The following SPATA7 variants were observed in gnomAD, a reference collection of about 807,000 sequenced individuals.
SPATA7 encodes spermatogenesis-associated protein 7.
Under a neutral mutation model 51.8 loss-of-function variants are expected in SPATA7, and 43 were observed. The observed-to-expected ratio is 0.83, with a 90% CI of 0.65 to 1.07. SPATA7 has a LOEUF of 1.07. Among genes scored for constraint, SPATA7 ranks in the 50% least tolerant of loss-of-function variants. The pLI is 0.00. For missense variants in SPATA7, 683 were observed against 701.3 expected, an observed-to-expected ratio of 0.97 and a Z score of 0.30; for synonymous variants, 230 against 252.8, an observed-to-expected ratio of 0.91 and a Z score of 0.86.
chr14:88,443,595 T>G (rs2077192532), intron 3 of SPATA7, among the ~76,000 whole-genome samples: 1 of 152,154 alleles, frequency 6.6e-6, no homozygotes, highest in Non-Finnish European at 1.5e-5. Context: ...ACTGGTCATC[T>G]AGCATTAGGT....
chr14:88,399,558 C>G (rs371279771), intron 4 of SPATA7, among the ~76,000 whole-genome samples: 3 of 152,126 alleles, frequency 2.0e-5, no homozygotes, highest in Admixed American at 6.5e-5. Context: ...TTCTAAGGAC[C>G]CTTCCAGATT....
chr14:88,429,195 A>T (rs1484571199), intron 7 of SPATA7, 153 bp from the exon 8 acceptor site: 2 of 498,448 alleles, frequency 4.0e-6, no homozygotes, highest in East Asian at 3.2e-5. Flanking sequence ...TGCTGGATGG[A>T]TAGAAAAATT....
chr14:88,390,032 A>G (rs558956248), intron 1 of SPATA7, among the ~76,000 whole-genome samples: 1 of 152,326 alleles, frequency 6.6e-6, no homozygotes, highest in African/African-American at 2.4e-5. Flanking sequence ...CAGATCCCAA[A>G]TCTGTCACAT....
In SPATA7 at chr14:88,469,863, A is replaced by ATTAACATTAACTG; in HGVS notation, c.274_*11dup. On this transcript the variant is annotated stop_gained and frameshift_variant, in exon 5 of 5. Coordinates refer to the SPATA7 transcript ENST00000556406. LOFTEE classifies it high-confidence loss of function. The surrounding 1 kb of genome is among the most constrained non-coding windows in gnomAD (Gnocchi z 4.3). ...TCTCCACAGGTCAGGATTCCAGATG[A>ATTAACATTAACTG]TTAACATTAACTGTTCTTCAGAGGC... 1.9e-6 allele frequency: 3 copies of ATTAACATTAACTG among 1,610,666 alleles called. No homozygotes were observed. The highest frequency in any genetic ancestry group is 2.5e-6 in the Non-Finnish European group (3 of 1,177,128).
At chr14:88,444,624 C>G (rs536716856) in intron 3 of SPATA7, among the ~76,000 whole-genome samples, 3 of 152,080 alleles carry the variant, frequency 2.0e-5, no homozygotes, top group East Asian at 1.9e-4. Context: ...TTAGGTCTAA[C>G]GTTTAAGTCT....
At chr14:88,393,574 A>T in intron 3 of SPATA7, 86 bp downstream of exon 3, 1 of 951,378 alleles carries the variant, frequency 1.1e-6, no homozygotes, top group Non-Finnish European at 1.7e-6. Flanking sequence ...AGCAAAAATG[A>T]ATACCTTATA....
At chr14:88,452,383 C>G (rs2077256504) in intron 3 of SPATA7, among the ~76,000 whole-genome samples, 1 of 152,176 alleles carries the variant, frequency 6.6e-6, no homozygotes, top group African/African-American at 2.4e-5. Flanking sequence ...AAGTGTACTA[C>G]TGGTTTTGTG....
At chr14:88,387,440 G>C (rs942912833) in intron 1 of SPATA7, among the ~76,000 whole-genome samples, 1 of 150,620 alleles carries the variant, frequency 6.6e-6, no homozygotes, top group Non-Finnish European at 1.5e-5. Context: ...AGGGCAGTCA[G>C]CTTTCATGTA....
intron 10 of SPATA7, among the ~76,000 whole-genome samples, chr14:88,437,255 T>A (rs139132613): frequency 2.0e-5 from 3 of 151,866 alleles, no homozygotes; most frequent in Admixed American, 6.6e-5. Context: ...TTTGGGTGTT[T>A]GCATATGTCT....
intron 8 of SPATA7, 44 bp downstream of exon 8, chr14:88,429,507 C>G (rs1210509696): frequency 1.6e-6 from 2 of 1,250,864 alleles, no homozygotes; most frequent in African/African-American, 3.0e-5. Context: ...TCTTTAATTG[C>G]CTTCTTGTAT....
chr14:88,452,531 G>A (rs570447289), intron 3 of SPATA7, among the ~76,000 whole-genome samples: 46 of 152,168 alleles, frequency 3.0e-4, no homozygotes, highest in Admixed American at 4.6e-4. Flanking sequence ...CTGCTGTCCC[G>A]CAGAGCCTAC....
intron 4 of SPATA7, chr14:88,416,218 A>G (rs2076472221): frequency 6.3e-6 from 1 of 157,902 alleles, no homozygotes; most frequent in African/African-American, 2.4e-5. Context: ...AGATATAACA[A>G]ATTCCTTTAG....
At chr14:88,456,821 T>A (rs952822309), downstream of SPATA7, among the ~76,000 whole-genome samples, 2 of 152,200 alleles carry the variant, frequency 1.3e-5, no homozygotes, top group African/African-American at 2.4e-5. Flanking sequence ...CTGAAAGGTA[T>A]TGCCTAGGTT....
At chr14:88,454,368 A>G in intron 3 of SPATA7, among the ~76,000 whole-genome samples, 1 of 152,134 alleles carries the variant, frequency 6.6e-6, no homozygotes, top group East Asian at 1.9e-4. Context: ...TAATCCCCCA[A>G]CTCAAAAATG....
chr14:88,399,348 C>T (rs1454228062), intron 4 of SPATA7, among the ~76,000 whole-genome samples: 2 of 152,002 alleles, frequency 1.3e-5, no homozygotes, highest in Non-Finnish European at 2.9e-5. Flanking sequence ...TGCAACAAAC[C>T]TTCGTGTAGG....
downstream of SPATA7, among the ~76,000 whole-genome samples, chr14:88,441,188 TTG>T (rs534049280): frequency 0.018 from 2,744 of 151,262 alleles, 77 homozygotes; most frequent in African/African-American, 0.062. Context: ...TAGTATTCAA[TTG>T]TGTGTGTGTG....
intron 5 of SPATA7, among the ~76,000 whole-genome samples, chr14:88,417,708 C>A (rs2076523881): frequency 6.6e-6 from 1 of 152,106 alleles, no homozygotes; most frequent in African/African-American, 2.4e-5. Flanking sequence ...GGTACATTAC[C>A]TTTTTTATTC....
At chr14:88,396,868 C>CTTT (rs1261739206) in intron 4 of SPATA7, among the ~76,000 whole-genome samples, 44 of 101,188 alleles carry the variant, frequency 4.3e-4, no homozygotes, top group African/African-American at 1.2e-3. Context: ...CTTTTCTTTT[C>CTTT]TTTTTTCTTT....
intron 3 of SPATA7, among the ~76,000 whole-genome samples, chr14:88,395,268 A>G (rs1014829995): frequency 6.6e-6 from 1 of 151,890 alleles, no homozygotes; most frequent in African/African-American, 2.4e-5. Flanking sequence ...GAATTTCACC[A>G]ATTTTTGACT....
Sources: allele counts gnomAD v4.1 joint callset (sites outside exome capture counted in the v4.1 genomes callset), GRCh38; gene constraint gnomAD v4.1.1; non-coding constraint Gnocchi (gnomAD v3.1); transcripts MANE v1.5; gene names NCBI Gene and HGNC (gene_info 2026-07-23, HGNC 2026-07-21).